RPSA2: variants seen among roughly 807,000 people sequenced by gnomAD.
The protein encoded by RPSA2 is small ribosomal subunit protein uS2B.
chr19:23,814,565 T>C, the RPSA2 span, among the ~76,000 whole-genome samples: 3 of 152,178 alleles, frequency 2.0e-5, no homozygotes, highest in Non-Finnish European at 4.4e-5. Context: ...TGGCTAGAGG[T>C]CATAATAAAA....
At chr19:23,842,095 T>G in the RPSA2 span, among the ~76,000 whole-genome samples, 2 of 152,214 alleles carry the variant, frequency 1.3e-5, no homozygotes, top group Non-Finnish European at 2.9e-5. Context: ...TGAGTTTGTT[T>G]GCAATATAGT....
the RPSA2 span, among the ~76,000 whole-genome samples, chr19:23,835,958 A>G: frequency 4.6e-5 from 7 of 152,284 alleles, no homozygotes; most frequent in South Asian, 1.2e-3. Flanking sequence ...TGAAGTATTC[A>G]TTATGTGAAC....
chr19:23,868,644 A>G, the RPSA2 span, among the ~76,000 whole-genome samples: 1 of 152,240 alleles, frequency 6.6e-6, no homozygotes, highest in East Asian at 1.9e-4. Flanking sequence ...GTGTTAGAGG[A>G]AATTAGGAAA....
At chr19:23,781,096 T>C in the RPSA2 span, among the ~76,000 whole-genome samples, 1 of 152,162 alleles carries the variant, frequency 6.6e-6, no homozygotes, top group Admixed American at 6.5e-5. Context: ...CACCTCAGCC[T>C]TCAGAGTAGC....
chr19:23,832,042 C>T, the RPSA2 span: 450,000 of 454,182 alleles, frequency 0.99, 223,076 homozygotes, highest in East Asian at 1. Context: ...TCATACTGAA[C>T]AGAAACCTTA....
At chr19:23,826,747 G>T in the RPSA2 span, among the ~76,000 whole-genome samples, 6 of 151,958 alleles carry the variant, frequency 3.9e-5, no homozygotes, top group Admixed American at 6.6e-5. Context: ...GTGCAGTGGG[G>T]CGATCTTGGC....
At chr19:23,848,083 C>T in the RPSA2 span, among the ~76,000 whole-genome samples, 1 of 152,120 alleles carries the variant, frequency 6.6e-6, no homozygotes, top group Non-Finnish European at 1.5e-5. Flanking sequence ...ACAGTTAACA[C>T]AATTATCACA....
chr19:23,815,501 A>G, the RPSA2 span, among the ~76,000 whole-genome samples: 11 of 152,182 alleles, frequency 7.2e-5, no homozygotes, highest in African/African-American at 2.7e-4. Flanking sequence ...TGACATGTAC[A>G]GTTACTCTTC....
the RPSA2 span, among the ~76,000 whole-genome samples, chr19:23,859,280 T>A: frequency 6.6e-6 from 1 of 152,244 alleles, no homozygotes; most frequent in Admixed American, 6.5e-5. Flanking sequence ...TAGAAAATTC[T>A]TGTTTCCCTA....
At chr19:23,858,577 C>A in the RPSA2 span, among the ~76,000 whole-genome samples, 1 of 152,144 alleles carries the variant, frequency 6.6e-6, no homozygotes, top group African/African-American at 2.4e-5. Context: ...TAAAAAGCAA[C>A]ACACAAATTA....
At chr19:23,859,022 G>A in the RPSA2 span, among the ~76,000 whole-genome samples, 1 of 152,188 alleles carries the variant, frequency 6.6e-6, no homozygotes, top group South Asian at 2.1e-4. Flanking sequence ...CCTTTCTTTT[G>A]CCTATTAAAC....
the RPSA2 span, chr19:23,843,321 A>C: frequency 2.5e-5 from 4 of 163,030 alleles, no homozygotes; most frequent in African/African-American, 9.5e-5. Context: ...AGAGGTACAA[A>C]GGTCAAAAAG....
the RPSA2 span, among the ~76,000 whole-genome samples, chr19:23,840,785 C>T: frequency 5.4e-4 from 71 of 131,474 alleles, no homozygotes; most frequent in South Asian, 0.019. Flanking sequence ...CGGTGAAACC[C>T]CATCTCTACT....
the RPSA2 span, among the ~76,000 whole-genome samples, chr19:23,854,029 T>A: frequency 6.6e-6 from 1 of 152,188 alleles, no homozygotes; most frequent in African/African-American, 2.4e-5. Flanking sequence ...AATAAGCGGC[T>A]TTTTCACTGC....
At chr19:23,785,178 T>G in the RPSA2 span, among the ~76,000 whole-genome samples, 1 of 152,242 alleles carries the variant, frequency 6.6e-6, no homozygotes, top group African/African-American at 2.4e-5. Context: ...TTGTGACATA[T>G]GGCTGGGCTT....
chr19:23,845,182 T>C, the RPSA2 span, among the ~76,000 whole-genome samples: 1 of 27,436 alleles, frequency 3.6e-5, no homozygotes, highest in Admixed American at 4.9e-4. Context: ...TGGCAATTTA[T>C]AAATTTTGTC....
the RPSA2 span, chr19:23,827,662 A>G: frequency 6.3e-7 from 1 of 1,596,992 alleles, no homozygotes; most frequent in Non-Finnish European, 8.5e-7. Flanking sequence ...ACAACAAGGG[A>G]GCTCACTCAG....
At chr19:23,759,240 T>A in the RPSA2 span, among the ~76,000 whole-genome samples, 31 of 152,192 alleles carry the variant, frequency 2.0e-4, no homozygotes, top group Middle Eastern at 3.4e-3. Flanking sequence ...TTTATGACCG[T>A]CCTGGTTTCT....
At chr19:23,852,635 C>T in the RPSA2 span, among the ~76,000 whole-genome samples, 4 of 152,160 alleles carry the variant, frequency 2.6e-5, no homozygotes, top group Non-Finnish European at 5.9e-5. Context: ...CTGGGTGGGC[C>T]AGGTGTTCCT....
Sources: gnomAD v4.1 joint callset for allele counts (sites outside exome capture counted in the v4.1 genomes callset) on GRCh38, gnomAD v4.1.1 for gene constraint, MANE v1.5 for transcripts, NCBI Gene and HGNC (gene_info 2026-07-23, HGNC 2026-07-21) for gene names.